DDX4: variants seen among roughly 807,000 people sequenced by gnomAD.
DDX4 encodes DEAD-box helicase 4.
In DDX4, 25 loss-of-function variants were observed where a neutral mutation model predicts 100.0. That is an observed-to-expected ratio of 0.25 (90% CI 0.18 to 0.35). The LOEUF is 0.35. Ranked by LOEUF, DDX4 falls within the 10% of genes least tolerant of loss-of-function variation. DDX4 has a pLI of 1.00. For synonymous variants in DDX4, 259 were observed against 275.7 expected, an observed-to-expected ratio of 0.94 and a Z score of 0.60; for missense variants, 635 against 882.4, an observed-to-expected ratio of 0.72 and a Z score of 3.55.
chr5:55,742,656 GATA>G (rs949271328), intron 2 of DDX4, among the ~76,000 whole-genome samples: 8 of 152,190 alleles, frequency 5.3e-5, no homozygotes, highest in African/African-American at 1.7e-4. Context: ...TGGTTTGAGA[GATA>G]ATAATGGTTT....
At chr5:55,744,613 TC>T (rs749113987) in intron 2 of DDX4, among the ~76,000 whole-genome samples, 54 of 152,246 alleles carry the variant, frequency 3.5e-4, no homozygotes, top group Non-Finnish European at 4.8e-4. Flanking sequence ...TGGCAGTCAT[TC>T]TACCACTGCT....
chr5:55,815,445 A>G (rs768605915), intron 21 of DDX4, 22 bp downstream of exon 21: 13 of 1,595,854 alleles, frequency 8.1e-6, no homozygotes, highest in African/African-American at 1.4e-5. Context: ...GGAAAACTTG[A>G]GAACTTGTCT....
rs76406855 is a variant in DDX4, at chr5:55,813,431, G to A, written c.1616-242G>A. On this transcript the variant is annotated intron_variant, in intron 18 of 21. Transcript: ENST00000505374. ...CTTTCCCTAAGGTTCTACTTCTTGTGTTGGCCTGGGAGGAGGAAAGAGAAG... is the reference window on the plus strand; with the variant it reads ...CTTTCCCTAAGGTTCTACTTCTTGTATTGGCCTGGGAGGAGGAAAGAGAAG... 3.0e-3 allele frequency among the ~76,000 whole-genome samples: 454 copies of A among 152,286 alleles called. 4 individuals are homozygous for A. The highest frequency in any genetic ancestry group is 0.01 in the African/African-American group (430 of 41,554).
intron 18 of DDX4, among the ~76,000 whole-genome samples, chr5:55,809,273 C>G (rs181476659): frequency 1.2e-4 from 18 of 152,160 alleles, no homozygotes; most frequent in African/African-American, 4.1e-4. Context: ...CCAGGTGAGG[C>G]GATGCCTGGC....
Position 55,803,120 on chromosome 5 carries a change from C to T in DDX4, c.1615+4549C>T, listed in dbSNP as rs868322887. Among the ~76,000 whole-genome samples the T allele has an allele frequency of 8.1e-4, 119 of 147,130 alleles. 1 individual carries two copies. Among genetic ancestry groups the T allele is most frequent in the South Asian group, 2.5e-3 (11 of 4,480 alleles). The stretch of plus-strand genomic sequence containing the variant: ...CGCCTCCCCCCACCCCACGACAGGC[C>T]CCAGTGTGTGATGTCCCCCTTCCTG... On this transcript the variant is annotated intron_variant, in intron 18 of 21. Transcript: ENST00000505374.
At chr5:55,748,642 AT>A (rs1002392911) in intron 3 of DDX4, among the ~76,000 whole-genome samples, 4 of 151,930 alleles carry the variant, frequency 2.6e-5, no homozygotes, top group African/African-American at 7.3e-5. Context: ...ATAATTTTTT[AT>A]TTTTTTATGA....
At chr5:55,805,642 A>G (rs1238364548) in intron 18 of DDX4, among the ~76,000 whole-genome samples, 1 of 152,160 alleles carries the variant, frequency 6.6e-6, no homozygotes, top group Non-Finnish European at 1.5e-5. Flanking sequence ...ATTTGCATAC[A>G]TTGAACCAGC....
intron 7 of DDX4, 88 bp downstream of exon 7, chr5:55,768,028 C>A: frequency 8.2e-7 from 1 of 1,214,108 alleles, no homozygotes; most frequent in South Asian, 1.2e-5. Context: ...ATGAAAAACA[C>A]TGATCGTGAA....
chr5:55,780,397 T>G (rs1167896110), intron 8 of DDX4, among the ~76,000 whole-genome samples: 4 of 152,208 alleles, frequency 2.6e-5, no homozygotes, highest in Non-Finnish European at 4.4e-5. Context: ...CCCACATACC[T>G]TCTTTCACCA....
intron 18 of DDX4, among the ~76,000 whole-genome samples, chr5:55,803,360 A>G (rs1020075665): frequency 6.7e-6 from 1 of 150,114 alleles, no homozygotes; most frequent in Non-Finnish European, 1.5e-5. Flanking sequence ...GTTTTAGGGT[A>G]CATGTGCACA....
intron 3 of DDX4, among the ~76,000 whole-genome samples, chr5:55,747,715 T>C (rs545567387): frequency 1.6e-4 from 24 of 152,190 alleles, no homozygotes; most frequent in Non-Finnish European, 3.1e-4. Context: ...TCTGTACTCA[T>C]TGAAAAATAA....
intron 16 of DDX4, 127 bp from the exon 17 acceptor site, chr5:55,792,514 C>A: frequency 6.8e-6 from 3 of 441,182 alleles, no homozygotes; most frequent in African/African-American, 2.1e-5. Flanking sequence ...CGTCCGCCAA[C>A]ACGCCTGGCT....
chr5:55,786,021 C>T (rs1033726560), intron 13 of DDX4, 150 bp downstream of exon 13: 1 of 536,134 alleles, frequency 1.9e-6, no homozygotes, highest in Non-Finnish European at 3.3e-6. Context: ...GTCTTACCAT[C>T]TATAATAGAA....
chr5:55,797,225 A>G (rs2112096124), intron 17 of DDX4, among the ~76,000 whole-genome samples: 1 of 152,248 alleles, frequency 6.6e-6, no homozygotes, highest in Non-Finnish European at 1.5e-5. Context: ...TGTTTAAGTC[A>G]CTTTGCACAT....
chr5:55,794,337 G>A (rs1458468100), intron 17 of DDX4, among the ~76,000 whole-genome samples: 1 of 150,864 alleles, frequency 6.6e-6, no homozygotes, highest in African/African-American at 2.4e-5. Flanking sequence ...ACAGGCGCCT[G>A]CCACCACGCC....
At position 55,773,637 on chromosome 5, in the gene DDX4, A is replaced by G. The variant is rs116364812; in HGVS notation, c.394+5697A>G. ...CTCATTGTGGGTTTTTTGTTTTTTT[A>G]TTTTTTTGAGACAGGGTCTTACTCT... On this transcript the variant is annotated intron_variant, in intron 7 of 21. Coordinates refer to ENST00000505374, the MANE Select transcript of DDX4 (RefSeq NM_024415.3). Among the ~76,000 whole-genome samples the G allele has an allele frequency of 3.3e-3, 497 of 150,548 alleles. 4 individuals are homozygous for G. Among genetic ancestry groups the G allele is most frequent in the African/African-American group, 0.012 (484 of 40,966 alleles).
intron 18 of DDX4, among the ~76,000 whole-genome samples, chr5:55,805,643 T>C (rs1308303627): frequency 5.9e-5 from 9 of 152,224 alleles, no homozygotes; most frequent in African/African-American, 2.2e-4. Context: ...TTTGCATACA[T>C]TGAACCAGCC....
At chr5:55,788,118 AT>A (rs370382287) in intron 15 of DDX4, 118 bp downstream of exon 15, 4 of 850,358 alleles carry the variant, frequency 4.7e-6, no homozygotes, top group African/African-American at 1.7e-5. Flanking sequence ...TACTTAAAGT[AT>A]TTTTTTATTA....
chr5:55,751,576 A>G (rs1759555134), intron 3 of DDX4, among the ~76,000 whole-genome samples: 1 of 152,126 alleles, frequency 6.6e-6, no homozygotes, highest in Admixed American at 6.5e-5. Flanking sequence ...CTCTTCATAT[A>G]CATGTTGTTA....
Sources: gnomAD v4.1 joint callset for allele counts (sites outside exome capture counted in the v4.1 genomes callset) on GRCh38, gnomAD v4.1.1 for gene constraint, MANE v1.5 for transcripts, NCBI Gene and HGNC (gene_info 2026-07-23, HGNC 2026-07-21) for gene names.